Variants in SLC30A9 observed in about 807,000 individuals in gnomAD.
SLC30A9 encodes proton-coupled zinc antiporter SLC30A9, mitochondrial.
A neutral mutation model predicts 87.5 loss-of-function variants in SLC30A9; 58 were observed. The observed-to-expected ratio is 0.66, with a 90% CI of 0.54 to 0.82. The LOEUF (loss-of-function observed/expected upper bound fraction) is 0.82, where lower values mean the gene tolerates loss of function less well. Ranked by LOEUF, SLC30A9 falls within the 40% of genes least tolerant of loss-of-function variation. SLC30A9 has a pLI of 0.00. For missense variants in SLC30A9, 557 were observed against 679.1 expected (o/e 0.82, Z 2.00); for synonymous variants, 234 against 233.0 (o/e 1.00, Z -0.04).
Position 42,037,898 on chromosome 4 carries a change from G to A in SLC30A9, c.670-1088G>A, listed in dbSNP as rs142181723. ...AGATTCTCATGCCTCAGCCTCCTGAGTAGCTGGGATTACGGGCACCCACTA... is the reference window on the plus strand; with the variant it reads ...AGATTCTCATGCCTCAGCCTCCTGAATAGCTGGGATTACGGGCACCCACTA... On this transcript the variant is annotated intron_variant, in intron 7 of 17. Transcript: ENST00000264451. Among the ~76,000 whole-genome samples the A allele has an allele frequency of 4.1e-3, 631 of 152,166 alleles. 5 individuals carry two copies. Among genetic ancestry groups the A allele is most frequent in the African/African-American group, 0.014 (587 of 41,494 alleles).
intron 11 of SLC30A9, among the ~76,000 whole-genome samples, chr4:42,064,161 G>C (rs1355763227): frequency 6.6e-6 from 1 of 152,158 alleles, no homozygotes; most frequent in African/African-American, 2.4e-5. Context: ...TAGCTCAACA[G>C]CTTTCACCAA....
rs756119260 is a variant in SLC30A9, at chr4:42,066,624, A to G, written c.1144+3A>G. 2.5e-6 allele frequency: 4 copies of G among 1,599,160 alleles called. No homozygotes were observed. Among genetic ancestry groups the G allele is most frequent in the South Asian group, 2.2e-5 (2 of 89,678 alleles). ...AGGAATGTCATTTTACAAGTATGGT[A>G]TGTATTTTAGAAACCAAGTGTTTGT... On this transcript the variant is annotated splice_donor_region_variant and intron_variant, in intron 13 of 17. Coordinates refer to ENST00000264451, the MANE Select transcript of SLC30A9 (RefSeq NM_006345.4).
At chr4:42,018,503 C>A in intron 3 of SLC30A9, 5 of 1,070,622 alleles carry the variant, frequency 4.7e-6, no homozygotes, top group Non-Finnish European at 4.7e-6. Context: ...TATTCAAATC[C>A]AGGTAGAGTT....
Position 42,022,000 on chromosome 4 carries a change from A to G in SLC30A9, c.435-838A>G, listed in dbSNP as rs1230826132. Among the ~76,000 whole-genome samples the G allele has an allele frequency of 1.6e-4, 6 of 38,216 alleles. 3 individuals carry two copies. The highest frequency in any genetic ancestry group is 5.7e-4 in the Non-Finnish European group (6 of 10,498). The allele number at this position is 38,216 out of a possible 152,430, so 25.1% of individuals were successfully genotyped here. A position where few individuals can be genotyped will look rare whatever the true frequency, so the allele number is the denominator to read the frequency against. On this transcript the variant is annotated intron_variant, in intron 4 of 17. Coordinates refer to ENST00000264451, the MANE Select transcript of SLC30A9 (RefSeq NM_006345.4). Reference sequence around the variant, plus strand: ...CCGGACTGCGGACTGCAGTGGCACAATCTCGGCTCACTGCAAGCTCCGCTT... The same window carrying G: ...CCGGACTGCGGACTGCAGTGGCACAGTCTCGGCTCACTGCAAGCTCCGCTT...
intron 17 of SLC30A9, among the ~76,000 whole-genome samples, chr4:42,085,766 T>G (rs1718902249): frequency 6.6e-6 from 1 of 152,006 alleles, no homozygotes; most frequent in Non-Finnish European, 1.5e-5. Flanking sequence ...TGTTTTGCAG[T>G]GATTTTGTTT....
At chr4:42,046,827 C>A (rs1038311078) in intron 8 of SLC30A9, among the ~76,000 whole-genome samples, 1 of 152,162 alleles carries the variant, frequency 6.6e-6, no homozygotes, top group African/African-American at 2.4e-5. Flanking sequence ...TGCCTGACTT[C>A]AAACTATACT....
chr4:42,080,928 A>G (rs928131329), intron 17 of SLC30A9, among the ~76,000 whole-genome samples: 2 of 152,240 alleles, frequency 1.3e-5, no homozygotes, highest in African/African-American at 2.4e-5. Context: ...AGATGTTGAT[A>G]CATTTCTAAA....
chr4:42,005,737 C>T (rs1252578649), intron 2 of SLC30A9, among the ~76,000 whole-genome samples: 1 of 152,138 alleles, frequency 6.6e-6, no homozygotes, highest in Non-Finnish European at 1.5e-5. Context: ...TTTTGCTAGA[C>T]TAACAATGCA....
At chr4:41,996,227 C>T (rs1363322120) in intron 1 of SLC30A9, among the ~76,000 whole-genome samples, 1 of 151,970 alleles carries the variant, frequency 6.6e-6, no homozygotes, top group Non-Finnish European at 1.5e-5. Context: ...TCCCAAGTAG[C>T]TGGGATTACA....
At chr4:42,081,702 A>G (rs969718353) in intron 17 of SLC30A9, among the ~76,000 whole-genome samples, 4 of 151,690 alleles carry the variant, frequency 2.6e-5, no homozygotes, top group Non-Finnish European at 5.9e-5. Flanking sequence ...TAGTAGATAC[A>G]AGAAATCAGA....
At chr4:42,081,820 G>A (rs1452127138) in intron 17 of SLC30A9, among the ~76,000 whole-genome samples, 2 of 152,116 alleles carry the variant, frequency 1.3e-5, no homozygotes, top group South Asian at 2.1e-4. Context: ...TTTAACTAGA[G>A]GCTATTAAAT....
At chr4:41,997,615 G>T (rs939851491) in intron 1 of SLC30A9, among the ~76,000 whole-genome samples, 2 of 151,866 alleles carry the variant, frequency 1.3e-5, no homozygotes, top group Admixed American at 6.6e-5. Flanking sequence ...GTTATTAAAA[G>T]TTTTTAATGA....
rs973620224 is a variant in SLC30A9 at position 42,039,019 on chromosome 4, G to A, written c.703G>A (p.Gly235Arg). The change falls in exon 8 of 18, where the codon GGA becomes AGA. Residue 235 changes from glycine to arginine, a missense_variant. By Grantham distance (125) the Gly-to-Arg change is moderately radical. Transcript: ENST00000264451. The stretch of plus-strand genomic sequence containing the variant: ...CAGAACAGCATCAGTGTTTTTTAAG[G>A]GACCAGGAAAAGTGGTGATGGTTGC... ...RSRTASVFFK[G>R]PGKVVMVAIC... 6 of 1,613,624 alleles carry A rather than the reference G, an allele frequency of 3.7e-6. No individual in the cohort carries two copies. Among genetic ancestry groups the A allele is most frequent in the Admixed American group, 1.7e-5 (1 of 60,008 alleles).
chr4:42,075,811 C>A, intron 16 of SLC30A9, 25 bp downstream of exon 16: 1 of 1,602,958 alleles, frequency 6.2e-7, no homozygotes, highest in South Asian at 1.1e-5. Flanking sequence ...TGTTTTCTTA[C>A]ATAACTGAGG....
chr4:42,053,475 G>C (rs1216160853), intron 9 of SLC30A9, among the ~76,000 whole-genome samples: 3 of 152,072 alleles, frequency 2.0e-5, no homozygotes, highest in Non-Finnish European at 4.4e-5. Context: ...CAGATCATCT[G>C]AGGTCAGGAA....
At chr4:42,078,137 T>G in intron 16 of SLC30A9, 75 bp from the exon 17 acceptor site, 1 of 686,392 alleles carries the variant, frequency 1.5e-6, no homozygotes, top group Non-Finnish European at 2.5e-6. Flanking sequence ...ATAGGTTTGT[T>G]TTTTTTTAAG....
chr4:41,998,320 T>A (rs1204259260), intron 1 of SLC30A9, among the ~76,000 whole-genome samples: 1 of 152,202 alleles, frequency 6.6e-6, no homozygotes, highest in East Asian at 1.9e-4. Context: ...GAAGTTCTTG[T>A]CCAGGCCAGT....
intron 2 of SLC30A9, among the ~76,000 whole-genome samples, chr4:42,007,586 C>T (rs1715265356): frequency 8.1e-6 from 1 of 123,364 alleles, no homozygotes; most frequent in African/African-American, 2.5e-5. Context: ...CCCATCTCTA[C>T]TAAAAATACA....
intron 1 of SLC30A9, among the ~76,000 whole-genome samples, chr4:41,995,916 T>C (rs1279323338): frequency 1.3e-5 from 2 of 152,100 alleles, no homozygotes; most frequent in Non-Finnish European, 2.9e-5. Context: ...CACCATGTTA[T>C]CCAGGCTGGT....
Sources: allele counts gnomAD v4.1 joint callset (sites outside exome capture counted in the v4.1 genomes callset), GRCh38; gene constraint gnomAD v4.1.1; transcripts MANE v1.5; gene names NCBI Gene and HGNC (gene_info 2026-07-23, HGNC 2026-07-21).